Variants in DIAPH1 observed in about 807,000 individuals in gnomAD.
DIAPH1 encodes protein diaphanous homolog 1.
A neutral mutation model predicts 140.7 loss-of-function variants in DIAPH1; 46 were observed. That is an observed-to-expected ratio of 0.33 (90% CI 0.26 to 0.42). The LOEUF (loss-of-function observed/expected upper bound fraction) is 0.42. DIAPH1 is among the 10% of genes least tolerant of loss of function. The pLI is 1.00. For missense variants in DIAPH1, 1,310 were observed against 1,558.7 expected, an observed-to-expected ratio of 0.84 and a Z score of 2.69; for synonymous variants, 565 against 551.6, an observed-to-expected ratio of 1.02 and a Z score of -0.34.
intron 18 of DIAPH1, 74 bp from the exon 19 acceptor site, chr5:141,534,507 A>G (rs1203545478): frequency 3.4e-6 from 4 of 1,166,526 alleles, no homozygotes; most frequent in Non-Finnish European, 5.1e-6. Context: ...ACTACTGTCC[A>G]GCGTGAAATG....
At chr5:141,610,132 T>C (rs2099901581) in intron 1 of DIAPH1, among the ~76,000 whole-genome samples, 1 of 151,614 alleles carries the variant, frequency 6.6e-6, no homozygotes, top group Non-Finnish European at 1.5e-5. Flanking sequence ...ACCCCATTTC[T>C]TTCTTTCTTT....
At chr5:141,600,925 T>C (rs548808607) in intron 1 of DIAPH1, among the ~76,000 whole-genome samples, 36 of 152,186 alleles carry the variant, frequency 2.4e-4, no homozygotes, top group Non-Finnish European at 4.6e-4. Flanking sequence ...TTGTCCTTTG[T>C]AGGAACATGG....
rs568829599 is a variant in DIAPH1 at position 141,577,423 on chromosome 5, C to G, written c.1280+52G>C. On this transcript the variant is annotated intron_variant, in intron 12 of 27. Transcript: ENST00000389054. Reference sequence around the variant, plus strand: ...ACAATCTTTGAATTTAAGGAATTCACTCTCTCCACTTAGGCTCAAATTCAA... The same window carrying G: ...ACAATCTTTGAATTTAAGGAATTCAGTCTCTCCACTTAGGCTCAAATTCAA... 1.8e-5 allele frequency: 22 copies of G among 1,233,836 alleles called. No individual in the cohort carries two copies. In the East Asian group the frequency reaches 4.6e-4, roughly 26 times the overall value. 76.4% of individuals were successfully genotyped at this position (1,233,836 alleles called of 1,614,324 possible).
At chr5:141,546,727 A>C (rs568764567) in intron 18 of DIAPH1, among the ~76,000 whole-genome samples, 1 of 152,298 alleles carries the variant, frequency 6.6e-6, no homozygotes, top group South Asian at 2.1e-4. Context: ...CTTAAAGTTG[A>C]ATAAAACAGG....
rs2099894192 is a variant in DIAPH1, at chr5:141,565,208, T to C, written c.2482+6220A>G. ...ACACGTTAAGCAAAATACAAAACAG[T>C]ATATACTGTATAAGATCACACCAAT... On this transcript the variant is annotated intron_variant, in intron 18 of 27. Transcript: ENST00000389054. The surrounding 1 kb of genome is among the most constrained non-coding windows in gnomAD (Gnocchi z 4.3). The C allele has an allele frequency of 6.6e-6, 1 of 152,158 alleles. No homozygotes were observed. The highest frequency in any genetic ancestry group is 6.5e-5 in the Admixed American group (1 of 15,268). 9.4% of individuals were successfully genotyped at this position (152,158 alleles called of 1,614,324 possible).
At chr5:141,602,962 T>C (rs2099900392) in intron 1 of DIAPH1, among the ~76,000 whole-genome samples, 1 of 152,174 alleles carries the variant, frequency 6.6e-6, no homozygotes, top group South Asian at 2.1e-4. Flanking sequence ...TGTGTAGAGT[T>C]GGAGTACCCA....
In DIAPH1 at chr5:141,529,124, G is replaced by C. The variant is rs775479126; in HGVS notation, c.2778+48C>G. ...GCCCAGGCTGCTCTCTAGAGGGGAG[G>C]GGAATACAGGAGGTGGAAAACCGCT... On this transcript the variant is annotated intron_variant, in intron 21 of 27. Coordinates refer to ENST00000389054, the MANE Select transcript of DIAPH1 (RefSeq NM_005219.5). The C allele has an allele frequency of 8.9e-6, 14 of 1,569,666 alleles. No homozygotes were observed. The South Asian group carries it at 1.6e-4, about 17-fold the overall frequency.
At chr5:141,518,877 C>T in intron 27 of DIAPH1, 1 of 1,465,244 alleles carries the variant, frequency 6.8e-7, no homozygotes, top group Non-Finnish European at 9.4e-7. Flanking sequence ...CCCAGAGCTA[C>T]TGTTTTCATC....
chr5:141,528,422 T>G lies in DIAPH1; in HGVS notation c.3148+31A>C, dbSNP rs761776067. ...ATTTCCCTCCCCATGCAGAGACTTT[T>G]GGGCTCTAGCTTCATTCCAAACTGC... On this transcript the variant is annotated intron_variant, in intron 23 of 27. Transcript: ENST00000389054. 1.9e-6 allele frequency: 3 copies of G among 1,613,868 alleles called. No individual in the cohort carries two copies. In the Admixed American group the frequency reaches 5.0e-5, roughly 27 times the overall value.
At chr5:141,577,369 T>A in intron 12 of DIAPH1, 106 bp downstream of exon 12, 1 of 856,838 alleles carries the variant, frequency 1.2e-6, no homozygotes, top group East Asian at 2.5e-5. Flanking sequence ...TAATCTTGGG[T>A]CTTTGTCTTT....
chr5:141,528,619 G>A (rs1326910025), intron 22 of DIAPH1, 37 bp from the exon 23 acceptor site: 5 of 1,614,090 alleles, frequency 3.1e-6, no homozygotes, highest in Non-Finnish European at 4.2e-6. Flanking sequence ...ATCCTGACAT[G>A]TCCAAGATGG....
At position 141,526,345 on chromosome 5, in the gene DIAPH1, A is replaced by C; in HGVS notation, c.3390T>G (p.Ser1130=). ...GAAGATCCATGAAAAATTCTTCAAC[A>C]GACAACTTCTTGGGGTCAAAGAGGA... ...EYFLFDPKKL[S]VEEFFMDLHN... Residue 1130 remains serine (S), a synonymous_variant, in exon 25 of 28, where the codon TCT becomes TCG. Transcript: ENST00000389054. 1 of 1,614,222 alleles carries C rather than the reference A, an allele frequency of 6.2e-7. No individual in the cohort carries two copies. Among genetic ancestry groups the C allele is most frequent in the Non-Finnish European group, 8.5e-7 (1 of 1,180,038 alleles).
chr5:141,561,354 A>G (rs1343039246), intron 18 of DIAPH1, among the ~76,000 whole-genome samples: 1 of 151,946 alleles, frequency 6.6e-6, no homozygotes, highest in Non-Finnish European at 1.5e-5. Context: ...TTAGAAGTGA[A>G]AAGAGTTTTG....
intron 1 of DIAPH1, among the ~76,000 whole-genome samples, chr5:141,605,485 T>A (rs187614373): frequency 6.6e-6 from 1 of 152,314 alleles, no homozygotes; most frequent in Non-Finnish European, 1.5e-5. Flanking sequence ...CATCATCCAA[T>A]TACCATAGGC....
At chr5:141,599,372 G>C (rs940949213) in intron 1 of DIAPH1, among the ~76,000 whole-genome samples, 2 of 152,190 alleles carry the variant, frequency 1.3e-5, no homozygotes, top group African/African-American at 4.8e-5. Context: ...TTAAGGCTAA[G>C]TTGTAATAGA....
chr5:141,571,514 GGTTCTTGTTACT>G, intron 17 of DIAPH1, 78 bp from the exon 18 acceptor site: 1 of 1,294,194 alleles, frequency 7.7e-7, no homozygotes, highest in South Asian at 1.2e-5. Context: ...AATCACATAT[GGTTCTTGTTACT>G]GTAGACAGTC....
intron 1 of DIAPH1, among the ~76,000 whole-genome samples, chr5:141,605,778 T>G (rs2099900828): frequency 6.6e-6 from 1 of 152,214 alleles, no homozygotes; most frequent in African/African-American, 2.4e-5. Flanking sequence ...CTGCTCTTTT[T>G]GAGGGCAGCC....
intron 1 of DIAPH1, among the ~76,000 whole-genome samples, chr5:141,602,949 C>T (rs951088964): frequency 1.3e-5 from 2 of 151,840 alleles, no homozygotes; most frequent in Admixed American, 6.5e-5. Context: ...CCTACACAGG[C>T]GTTGTGTAGA....
At chr5:141,604,409 A>C (rs1255371232) in intron 1 of DIAPH1, among the ~76,000 whole-genome samples, 1 of 152,192 alleles carries the variant, frequency 6.6e-6, no homozygotes, top group African/African-American at 2.4e-5. Context: ...CTTAGAGAAG[A>C]CTATGATCAC....
Sources: gnomAD v4.1 joint callset for allele counts (sites outside exome capture counted in the v4.1 genomes callset) on GRCh38, gnomAD v4.1.1 for gene constraint, Gnocchi (gnomAD v3.1) non-coding constraint, MANE v1.5 for transcripts, NCBI Gene and HGNC (gene_info 2026-07-23, HGNC 2026-07-21) for gene names.